The following SNRPN variants were observed in gnomAD, a reference collection of about 807,000 sequenced individuals.
SNRPN encodes small nuclear ribonucleoprotein polypeptide N.
Under a neutral mutation model 25.2 loss-of-function variants are expected in SNRPN, and 7 were observed. The ratio of observed to expected loss-of-function variants is 0.28; its 90% CI spans 0.16 to 0.52. The LOEUF (loss-of-function observed/expected upper bound fraction) is 0.52. SNRPN is among the 20% of genes least tolerant of loss of function. The pLI is 0.96. For synonymous variants in SNRPN, 124 were observed against 110.6 expected, an observed-to-expected ratio of 1.12 and a Z score of -0.76; for missense variants, 196 against 322.5, an observed-to-expected ratio of 0.61 and a Z score of 3.00.
At chr15:24,889,506 C>T (rs891747900) in intron 2 of SNRPN, among the ~76,000 whole-genome samples, 6 of 151,098 alleles carry the variant, frequency 4.0e-5, no homozygotes, top group Non-Finnish European at 5.9e-5. Flanking sequence ...AGGGTTTCAC[C>T]GTGTTAGCCA....
At chr15:24,854,853 A>C (rs927734416), upstream of SNRPN, among the ~76,000 whole-genome samples, 21 of 152,092 alleles carry the variant, frequency 1.4e-4, no homozygotes, top group African/African-American at 5.1e-4. Flanking sequence ...ACACAAATTT[A>C]GCTGGGTGTG....
intron 2 of SNRPN, among the ~76,000 whole-genome samples, chr15:24,916,577 A>C (rs1024429847): frequency 6.6e-6 from 1 of 152,186 alleles, no homozygotes; most frequent in Admixed American, 6.5e-5. Flanking sequence ...AGAAGAAAAA[A>C]ATACATATAC....
chr15:24,928,368 A>G (rs2060559217), intron 3 of SNRPN, among the ~76,000 whole-genome samples: 1 of 152,138 alleles, frequency 6.6e-6, no homozygotes, highest in Admixed American at 6.5e-5. Context: ...AATGTGGTGC[A>G]TATACACAAT....
chr15:24,886,678 C>G (rs2057229312), intron 2 of SNRPN: 1 of 151,934 alleles, frequency 6.6e-6, no homozygotes, highest in African/African-American at 2.4e-5. Flanking sequence ...GGGAGAGACC[C>G]ATCTGATATT....
upstream of SNRPN, among the ~76,000 whole-genome samples, chr15:24,854,230 C>G (rs12595079): frequency 3.5e-3 from 533 of 152,152 alleles, 21 homozygotes; most frequent in East Asian, 0.081. Flanking sequence ...AACAGCCCCA[C>G]CTTTTAATAC....
chr15:24,879,439 C>CAAAAA (rs10688286), intron 1 of SNRPN, among the ~76,000 whole-genome samples: 2 of 145,254 alleles, frequency 1.4e-5, no homozygotes, highest in African/African-American at 5.1e-5. Flanking sequence ...TCTGTCTCTA[C>CAAAAA]AAAAAAAAAA....
rs142773403 is a variant in SNRPN, at chr15:24,946,642, G to A, written c.-390-15472G>A. Among the ~76,000 whole-genome samples the A allele has an allele frequency of 1.7e-3, 255 of 152,116 alleles. 1 individual carries two copies. Among genetic ancestry groups the A allele is most frequent in the African/African-American group, 6.0e-3 (249 of 41,502 alleles). On this transcript the variant is annotated intron_variant, in intron 3 of 11. Transcript: ENST00000400097. ...GTGCTACCATGCCCAGCTAATTTTT[G>A]TATTTTTAGTAGAGATGGGGTCTCC...
Position 24,932,157 on chromosome 15 carries a change from A to T in SNRPN, c.-391+12033A>T, listed in dbSNP as rs1388589789. ...CTATTTAAGGGGGATACAGTCAACC[A>T]GGGGATATGGCCTTGAGATGCTAGA... On this transcript the variant is annotated intron_variant, in intron 3 of 11. Coordinates refer to the SNRPN transcript ENST00000400097. 2.0e-5 allele frequency among the ~76,000 whole-genome samples: 3 copies of T among 152,158 alleles called. No homozygotes were observed. The East Asian group carries it at 5.8e-4, about 29-fold the overall frequency.
At position 24,849,518 on chromosome 15, in the gene SNRPN, A is replaced by G. The variant is rs926502981; in HGVS notation, c.-579+19613A>G. ...AACAGCCAGAAAGTCATCTGCCAGT[A>G]TATGTTTCCTGTGAGATGGACACCT... On this transcript the variant is annotated intron_variant, in intron 2 of 12. Coordinates refer to the SNRPN transcript ENST00000400100. 9 of 152,322 alleles carry G rather than the reference A, an allele frequency of 5.9e-5. No homozygotes were observed. The East Asian group carries it at 1.3e-3, about 23-fold the overall frequency. The allele number at this position is 152,322 out of a possible 1,614,324, so 9.4% of individuals were successfully genotyped here.
At chr15:24,905,233 G>A (rs867237310) in intron 2 of SNRPN, among the ~76,000 whole-genome samples, 4 of 152,050 alleles carry the variant, frequency 2.6e-5, no homozygotes, top group Admixed American at 6.6e-5. Context: ...AGGGAGGACC[G>A]GGTGCGGTGG....
intron 2 of SNRPN, among the ~76,000 whole-genome samples, chr15:24,836,227 C>A (rs888207848): frequency 6.6e-6 from 1 of 151,968 alleles, no homozygotes; most frequent in Non-Finnish European, 1.5e-5. Flanking sequence ...TAGGATTTGG[C>A]CCACCTTAAT....
intron 2 of SNRPN, among the ~76,000 whole-genome samples, chr15:24,897,517 C>T (rs914904353): frequency 2.0e-5 from 3 of 151,978 alleles, no homozygotes; most frequent in Non-Finnish European, 4.4e-5. Context: ...CCCAGGAGTT[C>T]GTGGTTACAG....
chr15:24,873,599 C>A (rs1445118539), intron 1 of SNRPN, among the ~76,000 whole-genome samples: 1 of 151,932 alleles, frequency 6.6e-6, no homozygotes, highest in Non-Finnish European at 1.5e-5. Flanking sequence ...AAGTGCCCAC[C>A]ACCACGCCTG....
chr15:24,943,843 A>G (rs1030114797), intron 3 of SNRPN, among the ~76,000 whole-genome samples: 11 of 151,704 alleles, frequency 7.3e-5, no homozygotes, highest in Non-Finnish European at 1.5e-5. Context: ...ATTTTTCGAG[A>G]CAGGGTCTCG....
At position 24,976,951 on chromosome 15, in the gene SNRPN, A is replaced by T; in HGVS notation, c.342A>T (p.Val114=). The T allele has an allele frequency of 6.2e-7, 1 of 1,607,206 alleles. No homozygotes were observed. The highest frequency in any genetic ancestry group is 8.5e-7 in the Non-Finnish European group (1 of 1,177,802). ...PGVGRAAGRG[V]PAGVPIPQAP... Reference sequence around the variant, plus strand: ...TTGGTAGGGCAGCTGGTAGAGGAGTACCAGCTGGTGTGCCAATTCCCCAGG... The same window carrying T: ...TTGGTAGGGCAGCTGGTAGAGGAGTTCCAGCTGGTGTGCCAATTCCCCAGG... The change falls in exon 7 of 10, where the codon GTA becomes GTT. Residue 114 remains valine (V), a synonymous_variant. Coordinates refer to ENST00000390687, the MANE Select transcript of SNRPN (RefSeq NM_003097.6).
At chr15:24,974,858 C>T (rs2076884787) in intron 4 of SNRPN, 2 of 698,176 alleles carry the variant, frequency 2.9e-6, no homozygotes, top group Admixed American at 2.0e-5. Flanking sequence ...GCCACTGTGC[C>T]TGGCCATGAG....
chr15:24,914,155 T>C (rs2059387187), intron 2 of SNRPN, among the ~76,000 whole-genome samples: 1 of 152,118 alleles, frequency 6.6e-6, no homozygotes, highest in South Asian at 2.1e-4. Flanking sequence ...TTTCGGCCAG[T>C]AAAGGAAGAA....
At chr15:24,922,659 A>C (rs146899146) in intron 3 of SNRPN, among the ~76,000 whole-genome samples, 15 of 151,980 alleles carry the variant, frequency 9.9e-5, no homozygotes, top group African/African-American at 3.6e-4. Context: ...AACTGTATGT[A>C]TTTTTTTGTC....
intron 1 of SNRPN, among the ~76,000 whole-genome samples, chr15:24,873,592 T>G (rs897978408): frequency 6.6e-6 from 1 of 151,868 alleles, no homozygotes; most frequent in Non-Finnish European, 1.5e-5. Flanking sequence ...GGACCACAAG[T>G]GCCCACCACC....
Sources: allele counts gnomAD v4.1 joint callset (sites outside exome capture counted in the v4.1 genomes callset), GRCh38; gene constraint gnomAD v4.1.1; transcripts MANE v1.5; gene names NCBI Gene and HGNC (gene_info 2026-07-23, HGNC 2026-07-21).